The following MTERF4 variants were observed in gnomAD, a reference collection of about 807,000 sequenced individuals.
MTERF4 encodes transcription termination factor 4, mitochondrial.
MTERF4 carries 17 observed loss-of-function variants against 22.5 expected under a neutral mutation model. That is an observed-to-expected ratio of 0.75 (90% CI 0.52 to 1.13). The LOEUF (loss-of-function observed/expected upper bound fraction) is 1.13, where lower values mean the gene tolerates loss of function less well. MTERF4 is among the 50% of genes most tolerant of loss of function. The pLI, the probability that MTERF4 is intolerant of heterozygous loss-of-function variation, is 0.00. For missense variants in MTERF4, 420 were observed against 466.8 expected (o/e 0.90, Z 0.92); for synonymous variants, 165 against 175.3 (o/e 0.94, Z 0.47).
rs1360784085 is a variant in MTERF4, at chr2:241,102,227, A to G, written c.21+26T>C. 8 of 1,548,596 alleles carry G rather than the reference A, an allele frequency of 5.2e-6. No individual in the cohort carries two copies. The East Asian group carries it at 2.0e-4, about 38-fold the overall frequency. On this transcript the variant is annotated intron_variant, in intron 1 of 3. Transcript: ENST00000391980. ...TGCCCGCCCGCCTGCGACCCGGAGA[A>G]GCCCGCGCGCCCAGCTCGAGCTTAC...
chr2:241,077,948 G>GC (rs2063106891), intron 4 of MTERF4, among the ~76,000 whole-genome samples: 2 of 152,210 alleles, frequency 1.3e-5, no homozygotes, highest in South Asian at 2.1e-4. Flanking sequence ...AATAGTTACC[G>GC]CATGACCCAG....
intron 2 of MTERF4, among the ~76,000 whole-genome samples, chr2:241,098,049 G>A (rs1418525717): frequency 6.6e-6 from 1 of 152,210 alleles, no homozygotes; most frequent in Non-Finnish European, 1.5e-5. Flanking sequence ...ACTAACTGGT[G>A]TAAACTGGGA....
chr2:241,067,973 G>A (rs1030786275), downstream of MTERF4: 8 of 1,590,338 alleles, frequency 5.0e-6, no homozygotes, highest in Admixed American at 5.1e-5. Flanking sequence ...CAGAGCATGG[G>A]GCTGGGGTGA....
chr2:241,048,670 G>A, the MTERF4 span: 65 of 1,609,774 alleles, frequency 4.0e-5, no homozygotes, highest in Non-Finnish European at 5.4e-5. Flanking sequence ...AGGAGTCCCC[G>A]ATGACTGTGA....
In MTERF4 at chr2:241,081,655, C is replaced by T. The variant is rs577924949; in HGVS notation, n.480-5973G>A. ...CTGTCCTGGGGTTCCAGTGACTAAC[C>T]TCTCGTGACCTCTGTTTCCAGACGT... On this transcript the variant is annotated intron_variant and non_coding_transcript_variant, in intron 4 of 4. Transcript: ENST00000464344. The T allele has an allele frequency of 7.8e-6, 12 of 1,547,336 alleles. No individual in the cohort carries two copies. In the South Asian group the frequency reaches 1.2e-4, roughly 15 times the overall value.
chr2:241,062,599 A>C, the MTERF4 span, among the ~76,000 whole-genome samples: 1 of 152,192 alleles, frequency 6.6e-6, no homozygotes, highest in Non-Finnish European at 1.5e-5. Context: ...CTTCACAGAC[A>C]CAGCCAGGCA....
the MTERF4 span, chr2:241,052,566 C>T: frequency 1.0e-6 from 1 of 963,540 alleles, no homozygotes; most frequent in Non-Finnish European, 1.6e-6. Context: ...ATACCAGTGC[C>T]AGGCAGGTGA....
At chr2:241,082,740 G>A (rs1020146794), downstream of MTERF4, among the ~76,000 whole-genome samples, 3 of 152,192 alleles carry the variant, frequency 2.0e-5, no homozygotes, top group South Asian at 2.1e-4. Flanking sequence ...TGAGAATGCC[G>A]GCCCCAGTTC....
the MTERF4 span, chr2:241,065,656 C>T: frequency 1.1e-5 from 16 of 1,435,902 alleles, no homozygotes; most frequent in Non-Finnish European, 1.4e-5. Flanking sequence ...GCAGCGCTGG[C>T]CCCGGCACCT....
chr2:241,101,978 G>C (rs1394864395), intron 1 of MTERF4, among the ~76,000 whole-genome samples: 4 of 152,108 alleles, frequency 2.6e-5, no homozygotes, highest in Non-Finnish European at 5.9e-5. Context: ...GCTTGAACCC[G>C]GGAGGCGGAG....
rs769686187 is a variant in MTERF4, at chr2:241,073,900, G to A, written n.2262C>T. 14 of 165,670 alleles carry A rather than the reference G, an allele frequency of 8.5e-5. No individual in the cohort carries two copies. Among genetic ancestry groups the A allele is most frequent in the Non-Finnish European group, 1.6e-4 (12 of 77,180 alleles). 10.3% of individuals were successfully genotyped at this position (165,670 alleles called of 1,614,324 possible). On this transcript the variant is annotated non_coding_transcript_exon_variant, in exon 5 of 5. Coordinates refer to the MTERF4 transcript ENST00000464344. The surrounding 1 kb of genome is among the most constrained non-coding windows in gnomAD (Gnocchi z 6.6). ...CCAGCACGTCCCTGCAGGGCACCAA[G>A]CATCTGCTGAGCACCTGCAGTAAGA...
At chr2:241,082,219 G>C (rs368721037), downstream of MTERF4, 3 of 1,421,276 alleles carry the variant, frequency 2.1e-6, no homozygotes, top group Middle Eastern at 1.8e-4. Context: ...GGCCTCTCAA[G>C]AGGGGCAGGA....
chr2:241,070,973 TTC>T (rs1160710393), downstream of MTERF4, among the ~76,000 whole-genome samples: 1 of 152,050 alleles, frequency 6.6e-6, no homozygotes, highest in African/African-American at 2.4e-5. Context: ...GCTTGCCGAG[TTC>T]TCAGACCCAA....
At chr2:241,070,864 A>ACAGAG (rs2062675796), downstream of MTERF4, among the ~76,000 whole-genome samples, 1 of 152,212 alleles carries the variant, frequency 6.6e-6, no homozygotes, top group Middle Eastern at 3.2e-3. Context: ...CCACGGCGGG[A>ACAGAG]CAGAGCAGAG....
chr2:241,102,096 A>T, intron 1 of MTERF4, 157 bp downstream of exon 1: 1 of 926,300 alleles, frequency 1.1e-6, no homozygotes, highest in Non-Finnish European at 1.7e-6. Context: ...AATTGAGCAG[A>T]GCCACGGGTC....
chr2:241,052,922 G>A, the MTERF4 span, among the ~76,000 whole-genome samples: 1 of 151,862 alleles, frequency 6.6e-6, no homozygotes, highest in Non-Finnish European at 1.5e-5. Flanking sequence ...GGGTCAAGTG[G>A]GGAGCGTGGG....
downstream of MTERF4, among the ~76,000 whole-genome samples, chr2:241,091,412 C>T (rs936698193): frequency 2.1e-5 from 2 of 96,680 alleles, no homozygotes; most frequent in Admixed American, 2.1e-4. The surrounding 1 kb of genome is among the most constrained non-coding windows in gnomAD (Gnocchi z 4.1). Context: ...TGGAGGCTGC[C>T]CCTCCCCGTG....
chr2:241,086,157 G>A (rs761293935), downstream of MTERF4, among the ~76,000 whole-genome samples: 4 of 152,124 alleles, frequency 2.6e-5, no homozygotes, highest in Admixed American at 1.3e-4. Context: ...GTGAGCCACC[G>A]CACCTGGCCC....
chr2:241,049,019 T>C, the MTERF4 span: 14 of 1,609,498 alleles, frequency 8.7e-6, 1 homozygote, highest in African/African-American at 1.2e-4. Context: ...CCTTTCTCTC[T>C]AGAAATCACA....
Sources: allele counts gnomAD v4.1 joint callset (sites outside exome capture counted in the v4.1 genomes callset), GRCh38; gene constraint gnomAD v4.1.1; non-coding constraint Gnocchi (gnomAD v3.1); transcripts MANE v1.5; gene names NCBI Gene and HGNC (gene_info 2026-07-23, HGNC 2026-07-21).